ACYP2: variants seen among roughly 807,000 people sequenced by gnomAD.
ACYP2 encodes the protein acylphosphatase 2, also known as acylphosphatase-2.
A neutral mutation model predicts 11.2 loss-of-function variants in ACYP2; 12 were observed. The ratio of observed to expected loss-of-function variants is 1.08; its 90% confidence interval spans 0.69 to 1.74. The LOEUF (loss-of-function observed/expected upper bound fraction) is 1.74, where lower values mean the gene tolerates loss of function less well. ACYP2 is among the 40% of genes most tolerant of loss of function. The pLI, the probability that ACYP2 is intolerant of heterozygous loss-of-function variation, is 0.00. For missense variants in ACYP2, 134 were observed against 101.9 expected (o/e 1.31, Z -1.35); for synonymous variants, 43 against 32.2 (o/e 1.33, Z -1.13).
chr2:54,180,931 A>G (rs1185467024), intron 6 of ACYP2, among the ~76,000 whole-genome samples: 1 of 152,158 alleles, frequency 6.6e-6, no homozygotes, highest in African/African-American at 2.4e-5. Flanking sequence ...ATCACCTTTT[A>G]AAGGACCCAC....
chr2:54,260,938 A>G (rs1468478199), intron 6 of ACYP2, among the ~76,000 whole-genome samples: 1 of 152,138 alleles, frequency 6.6e-6, no homozygotes, highest in Non-Finnish European at 1.5e-5. Context: ...TTAGGGCAAT[A>G]GGTGGTCCAA....
chr2:54,032,268 T>G (rs2104555169), intron 2 of ACYP2, among the ~76,000 whole-genome samples: 1 of 152,344 alleles, frequency 6.6e-6, no homozygotes, highest in Non-Finnish European at 1.5e-5. Flanking sequence ...GGTCTAACAT[T>G]TAAGTCTTTA....
intron 6 of ACYP2, among the ~76,000 whole-genome samples, chr2:54,293,069 T>C (rs1482550804): frequency 1.3e-4 from 20 of 152,188 alleles, no homozygotes. Flanking sequence ...ACTTTACAGA[T>C]TATTTTATTT....
chr2:54,089,189 CTTAATTA>C (rs1318775547), intron 4 of ACYP2, among the ~76,000 whole-genome samples: 1 of 152,086 alleles, frequency 6.6e-6, no homozygotes, highest in Admixed American at 6.6e-5. Flanking sequence ...CAATATTTAG[CTTAATTA>C]TTAGAGTTCA....
chr2:54,036,269 AT>A (rs1268139082), intron 2 of ACYP2, among the ~76,000 whole-genome samples: 1 of 152,010 alleles, frequency 6.6e-6, no homozygotes, highest in African/African-American at 2.4e-5. Context: ...TAATTTTTGT[AT>A]TTTTAGTAGA....
chr2:54,255,452 G>C (rs1209116452), intron 6 of ACYP2: 2 of 1,614,014 alleles, frequency 1.2e-6, no homozygotes, highest in African/African-American at 1.3e-5. Flanking sequence ...TAGTATTCAT[G>C]AATCTGCCCA....
At chr2:54,299,591 CAA>C (rs1213298753) in intron 6 of ACYP2, among the ~76,000 whole-genome samples, 4,531 of 79,344 alleles carry the variant, frequency 0.057, 227 homozygotes, top group African/African-American at 0.16. Flanking sequence ...GACTCTGTCT[CAA>C]AAAAAAAAAA....
chr2:54,084,207 C>A (rs1328027684), intron 4 of ACYP2, among the ~76,000 whole-genome samples: 1 of 152,198 alleles, frequency 6.6e-6, no homozygotes, highest in East Asian at 1.9e-4. Flanking sequence ...TATCAGAATT[C>A]TTCAAAGCCT....
chr2:54,228,236 G>C (rs1416828953), intron 6 of ACYP2, among the ~76,000 whole-genome samples: 1 of 152,166 alleles, frequency 6.6e-6, no homozygotes, highest in Non-Finnish European at 1.5e-5. Context: ...TATAAGATCA[G>C]GCAGATCTTT....
chr2:54,056,605 A>G (rs1676165785), intron 3 of ACYP2, among the ~76,000 whole-genome samples: 1 of 152,152 alleles, frequency 6.6e-6, no homozygotes, highest in African/African-American at 2.4e-5. Flanking sequence ...AATGATGTAT[A>G]TTTTCAATCA....
rs530425185 is a variant in ACYP2 at position 54,095,654 on chromosome 2, C to T, written c.277+38294C>T. Among the ~76,000 whole-genome samples, 3 of 137,700 alleles carry T rather than the reference C, an allele frequency of 2.2e-5. No individual in the cohort carries two copies. The South Asian group carries it at 7.0e-4, about 32-fold the overall frequency. The allele number at this position is 137,700 out of a possible 152,430, so 90.3% of individuals were successfully genotyped here. On this transcript the variant is annotated intron_variant, in intron 4 of 6. Coordinates refer to ENST00000607452, the MANE Select transcript of ACYP2 (RefSeq NM_001320586.2). ...CTCCCAGATGGGGCGGCTGGCCGCG[C>T]GGGGGGCTGACCCCCCCACCTCCCT...
At chr2:54,031,538 G>A (rs1674586488) in intron 2 of ACYP2, among the ~76,000 whole-genome samples, 1 of 152,068 alleles carries the variant, frequency 6.6e-6, no homozygotes, top group Non-Finnish European at 1.5e-5. Context: ...ATGGACATTT[G>A]GGTTGGTTCC....
intron 6 of ACYP2, among the ~76,000 whole-genome samples, chr2:54,175,362 G>A (rs922407982): frequency 6.6e-6 from 1 of 151,984 alleles, no homozygotes; most frequent in Non-Finnish European, 1.5e-5. Context: ...TATTTCTGTG[G>A]GATCGGTGGT....
intron 2 of ACYP2, chr2:54,030,681 AT>A: frequency 5.2e-6 from 1 of 190,638 alleles, no homozygotes; most frequent in Non-Finnish European, 1.1e-5. Context: ...TGTGTTCGTT[AT>A]TTTGGCGAAT....
chr2:54,103,600 G>C (rs1679013902), intron 4 of ACYP2, among the ~76,000 whole-genome samples: 1 of 152,126 alleles, frequency 6.6e-6, no homozygotes, highest in South Asian at 2.1e-4. Flanking sequence ...GTATGGCTTA[G>C]TTATTACTCT....
intron 4 of ACYP2, among the ~76,000 whole-genome samples, chr2:54,107,211 T>G (rs1295541682): frequency 6.6e-6 from 1 of 152,224 alleles, no homozygotes; most frequent in African/African-American, 2.4e-5. Flanking sequence ...CTATCATTTT[T>G]TTCCAAAATA....
At chr2:54,120,248 C>T (rs1171839697) in intron 4 of ACYP2, among the ~76,000 whole-genome samples, 1 of 152,204 alleles carries the variant, frequency 6.6e-6, no homozygotes, top group African/African-American at 2.4e-5. Flanking sequence ...ATCAACTTCC[C>T]TTGCATCAAG....
rs186428778 is a variant in ACYP2 at position 54,182,545 on chromosome 2, C to T, written c.404+43797C>T. 1.1e-3 allele frequency among the ~76,000 whole-genome samples: 169 copies of T among 152,148 alleles called. 5 individuals carry two copies. The East Asian group carries it at 0.028, about 26-fold the overall frequency. On this transcript the variant is annotated intron_variant, in intron 6 of 6. Transcript: ENST00000607452. ...TTTTTGTAGAGGTAGAGTCTGTTGC[C>T]CAGGCTGGTCTTGAACTCCTGGGCT... is the stretch of plus-strand genomic sequence containing the variant.
At chr2:53,985,104 C>T (rs957779554) in intron 2 of ACYP2, among the ~76,000 whole-genome samples, 2 of 144,308 alleles carry the variant, frequency 1.4e-5, no homozygotes, top group East Asian at 2.0e-4. Flanking sequence ...GAGTCTCGCT[C>T]TGTTGCCCAG....
Sources: gnomAD v4.1 joint callset for allele counts (sites outside exome capture counted in the v4.1 genomes callset) on GRCh38, gnomAD v4.1.1 for gene constraint, MANE v1.5 for transcripts, NCBI Gene and HGNC (gene_info 2026-07-23, HGNC 2026-07-21) for gene names.